The following LRRC7 variants were observed in gnomAD, a reference collection of about 807,000 sequenced individuals.
The protein encoded by LRRC7 is leucine rich repeat containing 7.
LRRC7 carries 23 observed loss-of-function variants against 175.7 expected under a neutral mutation model. The observed-to-expected ratio is 0.13, with a 90% CI of 0.09 to 0.19. LRRC7 has a LOEUF of 0.19. Ranked by LOEUF, LRRC7 falls within the 10% of genes least tolerant of loss-of-function variation. The probability of loss-of-function intolerance (pLI) is 1.00; values close to 1 mark genes in which losing one functional copy is unlikely to be tolerated. For missense variants in LRRC7, 1,354 were observed against 1,904.7 expected (o/e 0.71, Z 5.38); for synonymous variants, 685 against 680.9 (o/e 1.01, Z -0.09).
At chr1:69,888,563 A>G (rs927722533) in intron 7 of LRRC7, among the ~76,000 whole-genome samples, 4 of 152,162 alleles carry the variant, frequency 2.6e-5, no homozygotes, top group Admixed American at 2.6e-4. Flanking sequence ...GGAAATGCAG[A>G]AATCACCCGT....
intron 9 of LRRC7, among the ~76,000 whole-genome samples, chr1:69,981,908 C>T (rs1218694782): frequency 3.3e-5 from 5 of 152,144 alleles, no homozygotes. Context: ...ACTACCATCC[C>T]CATTTTATAG....
At chr1:69,838,153 C>A (rs1681326931) in intron 6 of LRRC7, 74 bp from the exon 7 acceptor site, 6 of 1,000,582 alleles carry the variant, frequency 6.0e-6, no homozygotes, top group Non-Finnish European at 9.4e-6. Flanking sequence ...ATAGTGCTAC[C>A]AAATACTAGA....
intron 7 of LRRC7, among the ~76,000 whole-genome samples, chr1:69,883,453 A>T (rs1686844675): frequency 1.9e-5 from 2 of 106,154 alleles, no homozygotes; most frequent in Admixed American, 9.6e-5. Flanking sequence ...CCACTTTTTG[A>T]TGGGGTTGTT....
intron 7 of LRRC7, among the ~76,000 whole-genome samples, chr1:69,878,286 A>AAC (rs1210028182): frequency 6.7e-6 from 1 of 149,154 alleles, no homozygotes; most frequent in East Asian, 1.9e-4. Flanking sequence ...GAAAAAAAAA[A>AAC]AAAAACAAGA....
intron 8 of LRRC7, among the ~76,000 whole-genome samples, chr1:69,939,252 G>A (rs917821245): frequency 6.6e-6 from 1 of 151,546 alleles, no homozygotes. Context: ...AGCAAAGGGG[G>A]GACACTGAAA....
chr1:69,793,254 A>T (rs903929329), intron 4 of LRRC7, among the ~76,000 whole-genome samples: 1 of 152,136 alleles, frequency 6.6e-6, no homozygotes, highest in Admixed American at 6.5e-5. Context: ...CTAGAGAAGG[A>T]TGCAATCCAA....
intron 26 of LRRC7, among the ~76,000 whole-genome samples, chr1:70,119,990 T>A (rs1198271667): frequency 6.6e-6 from 1 of 152,076 alleles, no homozygotes; most frequent in Admixed American, 6.6e-5. Flanking sequence ...ATTAAGGTAG[T>A]CAGTACATCC....
intron 24 of LRRC7, among the ~76,000 whole-genome samples, chr1:70,078,342 T>TA (rs1662937004): frequency 6.6e-6 from 1 of 152,196 alleles, no homozygotes; most frequent in South Asian, 2.1e-4. Context: ...TTTTCACAGT[T>TA]GGCCAGCTCA....
intron 23 of LRRC7, among the ~76,000 whole-genome samples, chr1:70,054,701 G>A (rs139359289): frequency 5.8e-5 from 8 of 138,948 alleles, no homozygotes; most frequent in African/African-American, 1.9e-4. Flanking sequence ...CCAGGTTCAC[G>A]CCATTCTCCT....
intron 7 of LRRC7, among the ~76,000 whole-genome samples, chr1:69,866,277 T>A (rs1684939687): frequency 6.6e-6 from 1 of 152,186 alleles, no homozygotes; most frequent in Non-Finnish European, 1.5e-5. Flanking sequence ...CCACTAAGGC[T>A]AAGAGCTCTT....
chr1:69,584,873 C>T (rs1356164242), intron 1 of LRRC7, among the ~76,000 whole-genome samples: 3 of 151,218 alleles, frequency 2.0e-5, no homozygotes, highest in African/African-American at 7.3e-5. Context: ...TTTCCTACCA[C>T]CTCAGGCCCT....
chr1:69,991,732 A>AT (rs1410884646), intron 10 of LRRC7, among the ~76,000 whole-genome samples: 2 of 152,170 alleles, frequency 1.3e-5, no homozygotes, highest in Non-Finnish European at 2.9e-5. Flanking sequence ...ATAGAGGGAT[A>AT]TGGCAACTTA....
Position 70,123,988 on chromosome 1 carries a change from G to A in LRRC7, c.*2101G>A, listed in dbSNP as rs774465255. ...CTTATGGTTTCTATATCAAACCCAG[G>A]GCTTCAGGAGATCCTTCTAAGACAC... is the stretch of plus-strand genomic sequence containing the variant. On this transcript the variant is annotated 3_prime_UTR_variant, in exon 27 of 27. Coordinates refer to ENST00000651989, the MANE Select transcript of LRRC7 (RefSeq NM_001370785.2). Among the ~76,000 whole-genome samples the A allele has an allele frequency of 2.0e-5, 3 of 151,996 alleles. No individual in the cohort carries two copies. The highest frequency in any genetic ancestry group is 4.8e-5 in the African/African-American group (2 of 41,392).
At chr1:69,865,469 C>CTTTTT (rs532063540) in intron 7 of LRRC7, among the ~76,000 whole-genome samples, 23,275 of 50,758 alleles carry the variant, frequency 0.46, 8,907 homozygotes, top group Non-Finnish European at 0.58. Context: ...AAGACAGTTC[C>CTTTTT]TTTTTTTTTT....
At chr1:69,614,729 A>G (rs1403596117) in intron 1 of LRRC7, among the ~76,000 whole-genome samples, 2 of 152,072 alleles carry the variant, frequency 1.3e-5, no homozygotes, top group African/African-American at 2.4e-5. Context: ...CAAAAATTTA[A>G]CAACATGTGT....
intron 1 of LRRC7, among the ~76,000 whole-genome samples, chr1:69,630,949 C>T (rs1039413548): frequency 6.6e-6 from 1 of 151,876 alleles, no homozygotes; most frequent in Non-Finnish European, 1.5e-5. Flanking sequence ...TTCTTTTTGG[C>T]TTTTGGGTTA....
chr1:69,934,690 T>C (rs1557906229), intron 8 of LRRC7, among the ~76,000 whole-genome samples: 1 of 152,148 alleles, frequency 6.6e-6, no homozygotes. Flanking sequence ...TTTACTCTCA[T>C]TTTCTTTAAT....
intron 26 of LRRC7, among the ~76,000 whole-genome samples, chr1:70,119,579 T>C (rs1666086246): frequency 6.6e-6 from 1 of 151,228 alleles, no homozygotes; most frequent in Admixed American, 6.6e-5. Context: ...TTTGAAGATC[T>C]TTCATGATAA....
rs1274605654 is a variant in LRRC7, at chr1:70,135,810, C to T, written c.*13923C>T. On this transcript the variant is annotated 3_prime_UTR_variant, in exon 27 of 27. Coordinates refer to ENST00000651989, the MANE Select transcript of LRRC7 (RefSeq NM_001370785.2). ...GTCTTGATTGTTTTAAACCAGCCAT[C>T]TTTGATAGCCAGTTTTGGGATATAA... is the stretch of plus-strand genomic sequence containing the variant. Among the ~76,000 whole-genome samples, 2 of 152,296 alleles carry T rather than the reference C, an allele frequency of 1.3e-5. No individual in the cohort carries two copies. The highest frequency in any genetic ancestry group is 3.9e-4 in the East Asian group (2 of 5,190).
Sources: allele counts gnomAD v4.1 joint callset (sites outside exome capture counted in the v4.1 genomes callset), GRCh38; gene constraint gnomAD v4.1.1; transcripts MANE v1.5; gene names NCBI Gene and HGNC (gene_info 2026-07-23, HGNC 2026-07-21).